CACNA1C: variants seen among roughly 807,000 people sequenced by gnomAD.
CACNA1C encodes voltage-dependent L-type calcium channel subunit alpha-1C.
CACNA1C carries 30 observed loss-of-function variants against 229.0 expected under a neutral mutation model. The observed-to-expected ratio is 0.13, with a 90% CI of 0.10 to 0.18. The LOEUF (loss-of-function observed/expected upper bound fraction) is 0.18. CACNA1C is among the 10% of genes least tolerant of loss of function. CACNA1C has a pLI of 1.00. For synonymous variants in CACNA1C, 1,114 were observed against 1,132.5 expected, an observed-to-expected ratio of 0.98 and a Z score of 0.33; for missense variants, 1,658 against 2,845.0, an observed-to-expected ratio of 0.58 and a Z score of 9.49.
chr12:2,426,273 A>C (rs1038590183), intron 3 of CACNA1C, among the ~76,000 whole-genome samples: 4 of 152,214 alleles, frequency 2.6e-5, no homozygotes, highest in Non-Finnish European at 5.9e-5. Flanking sequence ...CTAATTGAGA[A>C]GGTAATAAAC....
At chr12:2,390,150 A>C (rs900978585) in intron 3 of CACNA1C, among the ~76,000 whole-genome samples, 5 of 152,198 alleles carry the variant, frequency 3.3e-5, no homozygotes, top group Non-Finnish European at 5.9e-5. Flanking sequence ...ATTTCTATAT[A>C]AAAGGTCCCC....
chr12:2,091,675 T>G (rs2071141727), intron 1 of CACNA1C, among the ~76,000 whole-genome samples: 1 of 152,226 alleles, frequency 6.6e-6, no homozygotes. Context: ...CCACATAAGG[T>G]AACTTATTCA....
At chr12:2,463,199 G>A (rs370673069) in intron 5 of CACNA1C, among the ~76,000 whole-genome samples, 5 of 152,240 alleles carry the variant, frequency 3.3e-5, no homozygotes, top group African/African-American at 9.6e-5. Flanking sequence ...GTGAGCCACC[G>A]CACCCGGCCT....
At chr12:2,154,999 A>G (rs540782018) in intron 3 of CACNA1C, among the ~76,000 whole-genome samples, 2 of 152,180 alleles carry the variant, frequency 1.3e-5, no homozygotes, top group African/African-American at 2.4e-5. Context: ...GGTGCCGTCT[A>G]TCTCTGTGTG....
intron 29 of CACNA1C, among the ~76,000 whole-genome samples, chr12:2,619,292 T>G (rs935212616): frequency 6.6e-6 from 1 of 152,220 alleles, no homozygotes; most frequent in Non-Finnish European, 1.5e-5. Flanking sequence ...GAATGAAGGC[T>G]TCAGGGAAAG....
intron 13 of CACNA1C, among the ~76,000 whole-genome samples, chr12:2,568,063 G>C (rs745776135): frequency 6.6e-6 from 1 of 152,178 alleles, no homozygotes; most frequent in African/African-American, 2.4e-5. Context: ...GAGGCAGCTA[G>C]CTGAGGTGCC....
chr12:2,326,034 A>G (rs1474526201), intron 3 of CACNA1C, among the ~76,000 whole-genome samples: 1 of 152,050 alleles, frequency 6.6e-6, no homozygotes, highest in Non-Finnish European at 1.5e-5. Context: ...GCCTGCAGAA[A>G]CTCTGGGGGC....
intron 1 of CACNA1C, among the ~76,000 whole-genome samples, chr12:2,079,802 G>C (rs1358962059): frequency 6.6e-6 from 1 of 152,044 alleles, no homozygotes; most frequent in Admixed American, 6.6e-5. Flanking sequence ...CACAGCTCAG[G>C]ACCCTTCAGA....
At chr12:2,121,304 A>G (rs968734243) in intron 3 of CACNA1C, among the ~76,000 whole-genome samples, 5 of 152,164 alleles carry the variant, frequency 3.3e-5, no homozygotes, top group Admixed American at 6.5e-5. Flanking sequence ...GAACCGTCCA[A>G]TGAGATGGTT....
chr12:2,561,170 G>A (rs139189794), intron 11 of CACNA1C, among the ~76,000 whole-genome samples: 35 of 152,344 alleles, frequency 2.3e-4, no homozygotes, highest in African/African-American at 7.9e-4. Context: ...GTAACCAAGT[G>A]TAAGACACAA....
chr12:2,586,766 A>C (rs2062616933), intron 18 of CACNA1C, among the ~76,000 whole-genome samples: 1 of 152,134 alleles, frequency 6.6e-6, no homozygotes, highest in Admixed American at 6.6e-5. Flanking sequence ...TGCTTAGAAC[A>C]CTCACAGGCA....
chr12:2,462,121 C>T (rs2099509998), intron 5 of CACNA1C, among the ~76,000 whole-genome samples: 1 of 151,280 alleles, frequency 6.6e-6, no homozygotes, highest in African/African-American at 2.4e-5. Flanking sequence ...ACAGTGACTC[C>T]CTTGCTATTC....
chr12:2,420,857 G>A (rs2098971384), intron 3 of CACNA1C, among the ~76,000 whole-genome samples: 1 of 152,222 alleles, frequency 6.6e-6, no homozygotes, highest in Non-Finnish European at 1.5e-5. Flanking sequence ...AGATGGAATG[G>A]GGTTTTGTAT....
chr12:2,166,587 A>G (rs1415768150), intron 3 of CACNA1C, among the ~76,000 whole-genome samples: 1 of 152,188 alleles, frequency 6.6e-6, no homozygotes, highest in African/African-American at 2.4e-5. Context: ...TTTATAAATA[A>G]CCTTCTCACA....
chr12:2,331,617 G>T (rs902531007), intron 3 of CACNA1C, among the ~76,000 whole-genome samples: 1 of 152,236 alleles, frequency 6.6e-6, no homozygotes, highest in Non-Finnish European at 1.5e-5. Flanking sequence ...GGAAGTTAGT[G>T]AATAAACGGG....
At chr12:2,135,863 T>G (rs1481794761) in intron 3 of CACNA1C, among the ~76,000 whole-genome samples, 1 of 147,814 alleles carries the variant, frequency 6.8e-6, no homozygotes, top group Non-Finnish European at 1.5e-5. Flanking sequence ...CTGCTTTGTT[T>G]ACCTAATCAA....
intron 6 of CACNA1C, among the ~76,000 whole-genome samples, chr12:2,489,061 G>C (rs2099707750): frequency 6.6e-6 from 1 of 152,160 alleles, no homozygotes; most frequent in South Asian, 2.1e-4. Flanking sequence ...GAGTGTTTTG[G>C]AGAGTTTTAT....
At chr12:2,418,873 G>A (rs1285744193) in intron 3 of CACNA1C, among the ~76,000 whole-genome samples, 1 of 152,168 alleles carries the variant, frequency 6.6e-6, no homozygotes, top group Non-Finnish European at 1.5e-5. Flanking sequence ...TTGTAGAGGG[G>A]ATTGGGAGCT....
rs2095760004 is a variant in CACNA1C, at chr12:2,661,900, T to TG, written c.4233-2924dup. ...AGTAAATGTAATAGACAAGATCTTA[T>TG]GCTATCACTTTTTCAATGTTATTAT... is the stretch of plus-strand genomic sequence containing the variant. On this transcript the variant is annotated intron_variant, in intron 34 of 46. Coordinates refer to ENST00000399655, the MANE Select transcript of CACNA1C (RefSeq NM_000719.7). Among the ~76,000 whole-genome samples, 3 of 152,208 alleles carry TG rather than the reference T, an allele frequency of 2.0e-5. No homozygotes were observed. In the South Asian group the frequency reaches 6.2e-4, roughly 31 times the overall value.
Sources: gnomAD v4.1 joint callset for allele counts (sites outside exome capture counted in the v4.1 genomes callset) on GRCh38, gnomAD v4.1.1 for gene constraint, MANE v1.5 for transcripts, NCBI Gene and HGNC (gene_info 2026-07-23, HGNC 2026-07-21) for gene names.